DNAH9: variants seen among roughly 807,000 people sequenced by gnomAD.
DNAH9 encodes the protein DNAH9 variant protein.
DNAH9 carries 345 observed loss-of-function variants against 471.6 expected under a neutral mutation model. The observed-to-expected ratio is 0.73, with a 90% CI of 0.67 to 0.80. DNAH9 has a LOEUF of 0.80. DNAH9 is among the 30% of genes least tolerant of loss of function. The pLI is 0.00. For synonymous variants in DNAH9, 2,093 were observed against 2,123.6 expected (o/e 0.99, Z 0.40); for missense variants, 5,407 against 5,609.2 (o/e 0.96, Z 1.15).
chr17:11,611,845 C>T (rs1456856484), intron 4 of DNAH9, 65 bp downstream of exon 4: 1 of 1,532,110 alleles, frequency 6.5e-7, no homozygotes, highest in Non-Finnish European at 9.0e-7. Context: ...GATGCATTCA[C>T]CTCTCTCTGT....
intron 32 of DNAH9, among the ~76,000 whole-genome samples, chr17:11,749,021 T>G (rs989664409): frequency 2.0e-5 from 3 of 151,950 alleles, no homozygotes; most frequent in Non-Finnish European, 4.4e-5. Context: ...AATTTGCTCT[T>G]TTGTGATTTT....
At chr17:11,865,291 C>G (rs998436837) in intron 50 of DNAH9, among the ~76,000 whole-genome samples, 6 of 151,822 alleles carry the variant, frequency 4.0e-5, no homozygotes, top group Non-Finnish European at 5.9e-5. Flanking sequence ...CTTAGTTTGG[C>G]TGGATATGAA....
At chr17:11,751,476 C>T (rs1239834772) in intron 32 of DNAH9, among the ~76,000 whole-genome samples, 1 of 151,872 alleles carries the variant, frequency 6.6e-6, no homozygotes, top group Non-Finnish European at 1.5e-5. Flanking sequence ...TAACATAAAA[C>T]ATTAACAAAC....
intron 38 of DNAH9, among the ~76,000 whole-genome samples, chr17:11,776,082 C>G (rs992539228): frequency 6.6e-6 from 1 of 152,164 alleles, no homozygotes; most frequent in Non-Finnish European, 1.5e-5. Flanking sequence ...TACAGTTGGT[C>G]AACCCTTGTA....
chr17:11,712,159 T>A (rs1208983260), intron 26 of DNAH9, among the ~76,000 whole-genome samples: 1 of 136,272 alleles, frequency 7.3e-6, no homozygotes, highest in Non-Finnish European at 1.5e-5. Context: ...AATATTATTA[T>A]TCAATAATAA....
In DNAH9 at chr17:11,652,786, C is replaced by A; in HGVS notation, c.2379C>A (p.Ile793=). The change falls in exon 14 of 69, where the codon ATC becomes ATA. Residue 793 remains isoleucine (I), a synonymous_variant. Coordinates refer to ENST00000262442, the MANE Select transcript of DNAH9 (RefSeq NM_001372.4). ...GCATTTGCGATTATGTCACTGAAAT[C>A]ACCAGTAGTATTCATGATCTTGAAC... is the stretch of plus-strand genomic sequence containing the variant. ...TEGICDYVTE[I]TSSIHDLEQR... is the part of the protein sequence containing the mutation. 2 of 1,613,392 alleles carry A rather than the reference C, an allele frequency of 1.2e-6. No individual in the cohort carries two copies. Among genetic ancestry groups the A allele is most frequent in the South Asian group, 2.2e-5 (2 of 90,970 alleles).
chr17:11,700,934 G>T (rs967376628), intron 23 of DNAH9, among the ~76,000 whole-genome samples, 188 bp from the exon 24 acceptor site: 16 of 152,058 alleles, frequency 1.1e-4, no homozygotes, highest in Non-Finnish European at 5.9e-5. Flanking sequence ...ATTAAGTCTG[G>T]GTCTCACTTA....
Position 11,783,723 on chromosome 17 carries a change from G to C in DNAH9, c.7796G>C (p.Ser2599Thr). The stretch of plus-strand genomic sequence containing the variant: ...TCCTGTATGAACCCCACGGCAGGCA[G>C]CTTCACCATCAACCCCCGGCTTCAG... ...YVSCMNPTAG[S>T]FTINPRLQRH... Residue 2599 changes from serine (S) to threonine (T), a missense_variant, in exon 40 of 69, where the codon AGC (serine) becomes ACC (threonine). By Grantham distance (58) the Ser-to-Thr change is moderately conservative (BLOSUM62 1). Around this residue, in one of 3 missense-constraint regions of DNAH9, gnomAD observed 4,636 missense variants for 4,900.3 expected, o/e 0.95. Transcript: ENST00000262442. The C allele has an allele frequency of 6.2e-7, 1 of 1,614,090 alleles. No homozygotes were observed. Among genetic ancestry groups the C allele is most frequent in the African/African-American group, 1.3e-5 (1 of 75,014 alleles).
intron 43 of DNAH9, among the ~76,000 whole-genome samples, chr17:11,805,939 C>T (rs1213252620): frequency 6.6e-6 from 1 of 152,082 alleles, no homozygotes; most frequent in African/African-American, 2.4e-5. Flanking sequence ...ACCATGTTTC[C>T]CAGGCTCGTC....
intron 41 of DNAH9, among the ~76,000 whole-genome samples, chr17:11,790,343 CTG>C (rs967876344): frequency 6.6e-6 from 1 of 151,878 alleles, no homozygotes; most frequent in Non-Finnish European, 1.5e-5. Context: ...TATTTTGAAA[CTG>C]TGTTATTTAT....
At chr17:11,930,836 T>C (rs1422719847) in intron 63 of DNAH9, among the ~76,000 whole-genome samples, 3 of 151,714 alleles carry the variant, frequency 2.0e-5, no homozygotes, top group Non-Finnish European at 4.4e-5. Flanking sequence ...CAGGAATCTG[T>C]TTTAATGAAC....
chr17:11,880,677 A>G (rs949720916), intron 54 of DNAH9, among the ~76,000 whole-genome samples: 1 of 152,108 alleles, frequency 6.6e-6, no homozygotes, highest in Non-Finnish European at 1.5e-5. Context: ...GAGACGGGCA[A>G]TGGGTTCGTA....
intron 15 of DNAH9, 109 bp downstream of exon 15, chr17:11,665,077 T>C: frequency 1.1e-6 from 1 of 938,416 alleles, no homozygotes; most frequent in Admixed American, 2.3e-5. Context: ...TCCCAAAACG[T>C]TGTAGACCTT....
rs1555584679 is a variant in DNAH9, at chr17:11,762,775, T to TTG, written c.6996-664_6996-663insGT. Among the ~76,000 whole-genome samples the TTG allele has an allele frequency of 8.9e-5, 10 of 112,132 alleles. No individual in the cohort carries two copies. The East Asian group carries it at 2.0e-3, about 22-fold the overall frequency. 73.6% of individuals were successfully genotyped at this position (112,132 alleles called of 152,430 possible). On this transcript the variant is annotated intron_variant, in intron 35 of 68. Coordinates refer to ENST00000262442, the MANE Select transcript of DNAH9 (RefSeq NM_001372.4). ...TTAGGTGCGTTTTTTTTTTTGTTTT[T>TTG]TTTTTTTTTTTTTTTTTTTTTTGAG...
At chr17:11,877,781 G>T (rs1425442766) in intron 53 of DNAH9, among the ~76,000 whole-genome samples, 1 of 152,070 alleles carries the variant, frequency 6.6e-6, no homozygotes, top group Non-Finnish European at 1.5e-5. Context: ...GATATATATA[G>T]ATAGATATAG....
chr17:11,933,109 A>C (rs1974574874), intron 64 of DNAH9, among the ~76,000 whole-genome samples: 3 of 152,066 alleles, frequency 2.0e-5, no homozygotes, highest in Non-Finnish European at 4.4e-5. Flanking sequence ...TCCCTCCCTA[A>C]GTCTCACACC....
intron 67 of DNAH9, among the ~76,000 whole-genome samples, chr17:11,946,381 C>T (rs1402811242): frequency 9.9e-5 from 15 of 151,018 alleles, no homozygotes; most frequent in Middle Eastern, 3.5e-3. Context: ...AATTACTTCC[C>T]GGCCAGGTGT....
At chr17:11,832,880 T>G (rs890503457) in intron 48 of DNAH9, among the ~76,000 whole-genome samples, 1 of 152,222 alleles carries the variant, frequency 6.6e-6, no homozygotes, top group Non-Finnish European at 1.5e-5. Context: ...GCTTCTTTAC[T>G]TTCTAGAAAT....
chr17:11,724,303 ATGTT>A (rs1868625655), intron 27 of DNAH9, among the ~76,000 whole-genome samples: 1 of 152,098 alleles, frequency 6.6e-6, no homozygotes, highest in African/African-American at 2.4e-5. Context: ...GTCTAGCTGT[ATGTT>A]TGTACCCATT....
Sources: gnomAD v4.1 joint callset for allele counts (sites outside exome capture counted in the v4.1 genomes callset) on GRCh38, gnomAD v4.1.1 for gene constraint, gnomAD v4.1.1 regional missense constraint, MANE v1.5 for transcripts, NCBI Gene and HGNC (gene_info 2026-07-23, HGNC 2026-07-21) for gene names.